Variants in PTPRN2 observed in about 807,000 individuals in gnomAD.
PTPRN2 encodes receptor-type tyrosine-protein phosphatase N2.
In PTPRN2, 74 loss-of-function variants were observed where a neutral mutation model predicts 118.8. The observed-to-expected ratio is 0.62, with a 90% CI of 0.52 to 0.76. The LOEUF (loss-of-function observed/expected upper bound fraction) is 0.76, where lower values mean the gene tolerates loss of function less well. Ranked by LOEUF, PTPRN2 falls within the 30% of genes least tolerant of loss-of-function variation. PTPRN2 has a pLI of 0.00. For synonymous variants in PTPRN2, 641 were observed against 608.0 expected (o/e 1.05, Z -0.80); for missense variants, 1,481 against 1,394.4 (o/e 1.06, Z -0.99).
intron 11 of PTPRN2, among the ~76,000 whole-genome samples, chr7:157,921,317 G>A (rs1361336653): frequency 5.9e-5 from 9 of 152,208 alleles, no homozygotes; most frequent in Admixed American, 5.9e-4. Flanking sequence ...GAGGTAATGA[G>A]GAGTTGGGGG....
Position 158,171,308 on chromosome 7 carries a change from C to CATATAT in PTPRN2, c.550-4023_550-4018dup, listed in dbSNP as rs71198580. On this transcript the variant is annotated intron_variant, in intron 5 of 22. Coordinates refer to ENST00000389418, the MANE Select transcript of PTPRN2 (RefSeq NM_002847.5). ...ATATATACACACATATATATACACA[C>CATATAT]ATATATATATATATATATATATATA... 2.0e-3 allele frequency among the ~76,000 whole-genome samples: 99 copies of CATATAT among 48,630 alleles called. 4 individuals are homozygous for CATATAT. Among genetic ancestry groups the CATATAT allele is most frequent in the East Asian group, 4.9e-3 (7 of 1,420 alleles). The allele number at this position is 48,630 out of a possible 152,430, so 31.9% of individuals were successfully genotyped here. A position where few individuals can be genotyped will look rare whatever the true frequency, so the allele number is the denominator to read the frequency against.
At chr7:158,092,541 A>T (rs1814279865) in intron 10 of PTPRN2, among the ~76,000 whole-genome samples, 1 of 152,132 alleles carries the variant, frequency 6.6e-6, no homozygotes. Context: ...CACTTTCTCA[A>T]AATACTGTTT....
rs370787043 is a variant in PTPRN2, at chr7:158,482,815, GATATGCAATGTTTATATA to G, written c.163+6902_163+6919del. Among the ~76,000 whole-genome samples, 528 of 152,262 alleles carry G rather than the reference GATATGCAATGTTTATATA, an allele frequency of 3.5e-3. 1 individual carries two copies. The highest frequency in any genetic ancestry group is 0.012 in the African/African-American group (494 of 41,544). On this transcript the variant is annotated intron_variant, in intron 2 of 22. Coordinates refer to ENST00000389418, the MANE Select transcript of PTPRN2 (RefSeq NM_002847.5). ...TTTCTGAAGCACACTTTTGGGAATT[GATATGCAATGTTTATATA>G]GACTGGATTCAGAACACGCTACCTC...
chr7:157,988,605 C>T (rs1804000205), intron 11 of PTPRN2, among the ~76,000 whole-genome samples: 1 of 152,198 alleles, frequency 6.6e-6, no homozygotes, highest in Non-Finnish European at 1.5e-5. Context: ...CGGGTGCAAA[C>T]CCTTTGGAAG....
At chr7:158,392,946 A>G (rs1032544177) in intron 2 of PTPRN2, among the ~76,000 whole-genome samples, 7 of 152,182 alleles carry the variant, frequency 4.6e-5, no homozygotes, top group African/African-American at 1.7e-4. Context: ...ACGCCTGTCA[A>G]CCTCAGTGTC....
chr7:158,560,572 C>T (rs1441478211), intron 1 of PTPRN2, among the ~76,000 whole-genome samples: 3 of 152,268 alleles, frequency 2.0e-5, no homozygotes, highest in South Asian at 2.1e-4. Context: ...GCGCTCCGCG[C>T]GCAGGACTGT....
At chr7:158,164,501 C>T (rs908751777) in intron 6 of PTPRN2, among the ~76,000 whole-genome samples, 5 of 150,302 alleles carry the variant, frequency 3.3e-5, no homozygotes, top group Non-Finnish European at 5.9e-5. Flanking sequence ...AGCGGGAGCG[C>T]GCGCGTAGGG....
intron 11 of PTPRN2, among the ~76,000 whole-genome samples, chr7:158,072,498 C>T (rs977431915): frequency 2.6e-5 from 4 of 152,176 alleles, no homozygotes; most frequent in African/African-American, 9.7e-5. Flanking sequence ...GCGTCCCCAG[C>T]AGACAAGCTT....
rs533066224 is a variant in PTPRN2, at chr7:158,165,927, C to T, written c.910+1004G>A. On this transcript the variant is annotated intron_variant, in intron 6 of 22. Coordinates refer to ENST00000389418, the MANE Select transcript of PTPRN2 (RefSeq NM_002847.5). ...CGAGGCCGACACTGTTCAGCTAGTGCATGGTGAGCAGCATGAAATCCAGAC... is the reference window on the plus strand; with the variant it reads ...CGAGGCCGACACTGTTCAGCTAGTGTATGGTGAGCAGCATGAAATCCAGAC... 3.3e-5 allele frequency among the ~76,000 whole-genome samples: 5 copies of T among 152,270 alleles called. No homozygotes were observed. In the East Asian group the frequency reaches 9.7e-4, roughly 29 times the overall value.
At chr7:157,717,408 C>T (rs911311703) in intron 12 of PTPRN2, among the ~76,000 whole-genome samples, 10 of 152,242 alleles carry the variant, frequency 6.6e-5, no homozygotes, top group Non-Finnish European at 1.5e-4. Flanking sequence ...GGACATGCAT[C>T]GCCACAAGGT....
At chr7:157,579,486 C>G (rs182757027) in intron 17 of PTPRN2, among the ~76,000 whole-genome samples, 1 of 152,252 alleles carries the variant, frequency 6.6e-6, no homozygotes, top group Admixed American at 6.5e-5. Context: ...TCATGGAAGC[C>G]ATTACGAAAA....
At chr7:158,296,493 G>GC (rs1008295542) in intron 3 of PTPRN2, among the ~76,000 whole-genome samples, 2 of 152,206 alleles carry the variant, frequency 1.3e-5, no homozygotes, top group African/African-American at 4.8e-5. Flanking sequence ...GACACAGAAA[G>GC]CCCCCTGTCC....
At chr7:158,247,881 G>T (rs372733699) in intron 3 of PTPRN2, among the ~76,000 whole-genome samples, 78 of 152,278 alleles carry the variant, frequency 5.1e-4, no homozygotes, top group African/African-American at 1.8e-3. Flanking sequence ...CTCCCAAAGT[G>T]CTGGGATTAC....
intron 2 of PTPRN2, among the ~76,000 whole-genome samples, chr7:158,487,059 A>G (rs959131225): frequency 6.6e-5 from 10 of 152,210 alleles, no homozygotes; most frequent in African/African-American, 2.2e-4. Flanking sequence ...TATTTCACTC[A>G]GCATAACAGC....
chr7:157,576,636 T>G lies in PTPRN2; in HGVS notation c.2760A>C (p.Ser920=). Residue 920 remains serine, a synonymous_variant, in exon 19 of 23, where the codon TCA becomes TCC. Transcript: ENST00000389418. ...SWYDRGVPSS[S]RSLLDFRRKV... is the part of the protein sequence containing the mutation. ...ACCTGCGGAAGTCCAGGAGGGACCT[T>G]GAGGAGGAAGGGACTCCTCGGTCAT... The G allele has an allele frequency of 6.2e-7, 1 of 1,612,510 alleles. No homozygotes were observed. The highest frequency in any genetic ancestry group is 8.5e-7 in the Non-Finnish European group (1 of 1,179,322).
intron 17 of PTPRN2, among the ~76,000 whole-genome samples, chr7:157,586,675 T>C (rs929460132): frequency 2.0e-5 from 3 of 147,894 alleles, no homozygotes; most frequent in African/African-American, 7.6e-5. Flanking sequence ...CAGGGCCCCC[T>C]GCTACTGGAC....
intron 19 of PTPRN2, chr7:157,574,488 A>C: frequency 2.1e-6 from 1 of 469,086 alleles, no homozygotes; most frequent in South Asian, 1.6e-5. Flanking sequence ...ACCATTGCAC[A>C]CAGCAAGAAG....
chr7:158,255,620 T>G (rs1796972382), intron 3 of PTPRN2, among the ~76,000 whole-genome samples: 1 of 152,204 alleles, frequency 6.6e-6, no homozygotes, highest in South Asian at 2.1e-4. Context: ...CTCTGTCCAT[T>G]CAGGATGCTT....
chr7:158,544,159 T>C lies in PTPRN2; in HGVS notation c.112+43399A>G, dbSNP rs1456672905. Among the ~76,000 whole-genome samples the C allele has an allele frequency of 2.6e-5, 4 of 152,152 alleles. No homozygotes were observed. Among genetic ancestry groups the C allele is most frequent in the Non-Finnish European group, 4.4e-5 (3 of 68,016 alleles). ...AGGGGCCAGAACCCAGTCCACACTC[T>C]GCCCGCATGATCTGCCTCTCCCCAA... On this transcript the variant is annotated intron_variant, in intron 1 of 22. Transcript: ENST00000389418. The surrounding 1 kb of genome is among the most constrained non-coding windows in gnomAD (Gnocchi z 4.2).
Sources: allele counts gnomAD v4.1 joint callset (sites outside exome capture counted in the v4.1 genomes callset), GRCh38; gene constraint gnomAD v4.1.1; non-coding constraint Gnocchi (gnomAD v3.1); transcripts MANE v1.5; gene names NCBI Gene and HGNC (gene_info 2026-07-23, HGNC 2026-07-21).